FHDC1: variants seen among roughly 807,000 people sequenced by gnomAD.
The protein encoded by FHDC1 is FH2 domain-containing protein 1.
Under a neutral mutation model 52.6 loss-of-function variants are expected in FHDC1, and 25 were observed. The observed-to-expected ratio is 0.48, with a 90% CI of 0.35 to 0.66. The LOEUF (loss-of-function observed/expected upper bound fraction) is 0.66. FHDC1 is among the 30% of genes least tolerant of loss of function. The pLI is 0.01. For missense variants in FHDC1, 1,459 were observed against 1,452.8 expected (o/e 1.00, Z -0.07); for synonymous variants, 616 against 581.5 (o/e 1.06, Z -0.85).
rs145274234 is a variant in FHDC1 at position 152,968,012 on chromosome 4, A to G, written c.1133A>G (p.His378Arg). 44 of 1,613,870 alleles carry G rather than the reference A, an allele frequency of 2.7e-5. No individual in the cohort carries two copies. Among genetic ancestry groups the G allele is most frequent in the Non-Finnish European group, 3.6e-5 (43 of 1,179,884 alleles). ...LSLENTEAEL[H>R]LLFVRTKSLK... ...CTGGAGAACACGGAGGCAGAACTGCACTTGCTGTTTGTCAGGACAAAATCA... is the reference window on the plus strand; with the variant it reads ...CTGGAGAACACGGAGGCAGAACTGCGCTTGCTGTTTGTCAGGACAAAATCA... Residue 378 changes from histidine (H) to arginine (R), a missense_variant, in exon 10 of 12, where the codon CAC (histidine) becomes CGC (arginine). By Grantham distance (29) the His-to-Arg change is conservative (BLOSUM62 0). Coordinates refer to ENST00000511601, the MANE Select transcript of FHDC1 (RefSeq NM_001371116.1).
At chr4:152,917,403 G>A in the FHDC1 span, among the ~76,000 whole-genome samples, 17 of 152,094 alleles carry the variant, frequency 1.1e-4, no homozygotes, top group African/African-American at 1.9e-4. Context: ...AGATGGCCAC[G>A]TTTTCCCTAA....
At chr4:152,914,676 C>G in the FHDC1 span, among the ~76,000 whole-genome samples, 1 of 152,146 alleles carries the variant, frequency 6.6e-6, no homozygotes. Flanking sequence ...AACAGGATAC[C>G]ATTTTGTCGA....
At chr4:152,950,266 C>T (rs560499556) in intron 2 of FHDC1, among the ~76,000 whole-genome samples, 1 of 152,276 alleles carries the variant, frequency 6.6e-6, no homozygotes, top group East Asian at 1.9e-4. Flanking sequence ...TTTACATGTG[C>T]AGTGATAACC....
upstream of FHDC1, among the ~76,000 whole-genome samples, chr4:152,934,396 C>T (rs1410964494): frequency 4.6e-5 from 7 of 152,198 alleles, no homozygotes; most frequent in Non-Finnish European, 1.0e-4. Context: ...TGAAATTTTA[C>T]AACGATAATA....
intron 1 of FHDC1, among the ~76,000 whole-genome samples, chr4:152,936,842 C>T (rs1429017753): frequency 6.6e-6 from 1 of 152,258 alleles, no homozygotes; most frequent in African/African-American, 2.4e-5. Context: ...GCGTCCCGCA[C>T]GGAATGCGCA....
At chr4:152,925,112 A>C in the FHDC1 span, among the ~76,000 whole-genome samples, 1 of 152,270 alleles carries the variant, frequency 6.6e-6, no homozygotes, top group South Asian at 2.1e-4. Context: ...ATGCCTTTAA[A>C]ACCAGCTTAT....
Position 152,976,898 on chromosome 4 carries a change from G to A in FHDC1, c.*175G>A. 1 of 765,920 alleles carries A rather than the reference G, an allele frequency of 1.3e-6. No homozygotes were observed. The highest frequency in any genetic ancestry group is 3.2e-5 in the South Asian group (1 of 31,612). The allele number at this position is 765,920 out of a possible 1,614,324, so 47.4% of individuals were successfully genotyped here. A position where few individuals can be genotyped will look rare whatever the true frequency, so the allele number is the denominator to read the frequency against. ...GGAGGCCTGTGGACTGCAGCCTGCT[G>A]TGCTGAGCCCTGCTGCAGTCCAGCG... On this transcript the variant is annotated 3_prime_UTR_variant, in exon 12 of 12. Coordinates refer to ENST00000511601, the MANE Select transcript of FHDC1 (RefSeq NM_001371116.1).
At position 152,974,684 on chromosome 4, in the gene FHDC1, G is replaced by C. The variant is rs151087640; in HGVS notation, c.1393G>C (p.Asp465His). The C allele has an allele frequency of 6.6e-7, 1 of 1,508,350 alleles. No homozygotes were observed. Among genetic ancestry groups the C allele is most frequent in the Non-Finnish European group, 8.9e-7 (1 of 1,128,428 alleles). 93.4% of individuals were successfully genotyped at this position (1,508,350 alleles called of 1,614,324 possible). A position where few individuals can be genotyped will look rare whatever the true frequency, so the allele number is the denominator to read the frequency against. ...KFNKAVKDNHDREAQELRQLQ... is the reference protein window; with the variant it reads ...KFNKAVKDNHHREAQELRQLQ... The stretch of plus-strand genomic sequence containing the variant: ...TCTCTCCATCCCTCAGGACAACCAC[G>C]ACCGGGAGGCGCAGGAGCTGAGGCA... Residue 465 changes from aspartate to histidine, a missense_variant, in exon 12 of 12, where the codon GAC becomes CAC. Asp to His is a moderately conservative substitution (Grantham distance 81). Around this residue, in one of 3 missense-constraint regions of FHDC1, gnomAD observed 513 missense variants for 581.5 expected, o/e 0.88. Transcript: ENST00000511601.
At chr4:152,957,552 G>C (rs1477779442) in intron 4 of FHDC1, among the ~76,000 whole-genome samples, 1 of 152,234 alleles carries the variant, frequency 6.6e-6, no homozygotes, top group East Asian at 1.9e-4. Flanking sequence ...TTGGAGGAAG[G>C]AAGGGCAAAG....
intron 4 of FHDC1, among the ~76,000 whole-genome samples, chr4:152,955,601 C>T (rs190461673): frequency 2.6e-5 from 4 of 152,338 alleles, no homozygotes; most frequent in Non-Finnish European, 5.9e-5. Context: ...TCTCCTGCCT[C>T]AGCTTCCCAA....
At chr4:152,915,610 T>A in the FHDC1 span, among the ~76,000 whole-genome samples, 7 of 152,256 alleles carry the variant, frequency 4.6e-5, no homozygotes, top group South Asian at 1.5e-3. Flanking sequence ...TACAGAAGAG[T>A]GGCCAGTTTT....
At chr4:152,937,197 T>A (rs541044697) in intron 1 of FHDC1, among the ~76,000 whole-genome samples, 275 of 152,140 alleles carry the variant, frequency 1.8e-3, no homozygotes, top group Non-Finnish European at 2.6e-3. Flanking sequence ...AGAGCCGCAG[T>A]GCGGCCGTGA....
In FHDC1 at chr4:152,975,606, G is replaced by A; in HGVS notation, c.2315G>A (p.Cys772Tyr). The change falls in exon 12 of 12, where the codon TGC becomes TAC. Residue 772 changes from cysteine to tyrosine, a missense_variant. Transcript: ENST00000511601. ...AACAAAGATCCTAGACCTCTGTTCT[G>A]CATCTCGGACACCACCGACTGCTCA... ...PENKDPRPLFCISDTTDCSLT... is the reference protein window; with the variant it reads ...PENKDPRPLFYISDTTDCSLT... The A allele has an allele frequency of 6.2e-7, 1 of 1,613,606 alleles. No homozygotes were observed. Among genetic ancestry groups the A allele is most frequent in the Admixed American group, 1.7e-5 (1 of 60,022 alleles).
the FHDC1 span, among the ~76,000 whole-genome samples, chr4:152,926,129 A>G: frequency 1.3e-5 from 2 of 152,090 alleles, no homozygotes; most frequent in Non-Finnish European, 2.9e-5. Flanking sequence ...GGGTGGCAAG[A>G]AAAAGGAGAG....
At chr4:152,918,666 G>GTTGTTTTTCAGTCC in the FHDC1 span, among the ~76,000 whole-genome samples, 3 of 152,200 alleles carry the variant, frequency 2.0e-5, no homozygotes, top group African/African-American at 7.2e-5. Flanking sequence ...CAAAGCTGGA[G>GTTGTTTTTCAGTCC]TTGTTTTTCA....
chr4:152,975,695 G>T lies in FHDC1; in HGVS notation c.2404G>T (p.Gly802Trp). 3.1e-6 allele frequency: 5 copies of T among 1,611,902 alleles called. No homozygotes were observed. The highest frequency in any genetic ancestry group is 4.2e-6 in the Non-Finnish European group (5 of 1,178,816). The change falls in exon 12 of 12, where the codon GGG (glycine) becomes TGG (tryptophan). Residue 802 changes from glycine to tryptophan, a missense_variant. Gly to Trp is a radical substitution (Grantham distance 184). This residue lies in a region of FHDC1 where 939 missense variants were observed against 854.5 expected (regional missense o/e 1.10). Coordinates refer to ENST00000511601, the MANE Select transcript of FHDC1 (RefSeq NM_001371116.1). ...CAGAGGCGGGGACCCGGAGGAAGGC[G>T]GGGAAGGGGATGGCTCCATGTCCTC... is the stretch of plus-strand genomic sequence containing the variant. The part of the protein sequence containing the change: ...RPRGGDPEEG[G>W]EGDGSMSSGV...
chr4:152,973,289 T>C (rs992932010), intron 11 of FHDC1, among the ~76,000 whole-genome samples: 16 of 152,240 alleles, frequency 1.1e-4, no homozygotes, highest in African/African-American at 3.6e-4. Flanking sequence ...CCCCCTCCAG[T>C]TGGAATGCAG....
intron 9 of FHDC1, 96 bp downstream of exon 9, chr4:152,965,071 G>A: frequency 8.2e-7 from 1 of 1,223,310 alleles, no homozygotes; most frequent in South Asian, 1.5e-5. Context: ...AAGTCTAAAA[G>A]GTTTTGTTTC....
At chr4:152,933,392 C>T (rs544018539), upstream of FHDC1, among the ~76,000 whole-genome samples, 113 of 152,284 alleles carry the variant, frequency 7.4e-4, no homozygotes, top group Non-Finnish European at 1.2e-3. Context: ...TTGCGCCATG[C>T]TTCATTCAAG....
Sources: allele counts gnomAD v4.1 joint callset (sites outside exome capture counted in the v4.1 genomes callset), GRCh38; gene constraint gnomAD v4.1.1; regional missense constraint gnomAD v4.1.1; transcripts MANE v1.5; gene names NCBI Gene and HGNC (gene_info 2026-07-23, HGNC 2026-07-21).